Variants in DCC observed in about 807,000 individuals in gnomAD.
The protein encoded by DCC is DCC netrin 1 receptor.
A neutral mutation model predicts 172.5 loss-of-function variants in DCC; 58 were observed. That is an observed-to-expected ratio of 0.34 (90% CI 0.27 to 0.42). DCC has a LOEUF of 0.42. Ranked by LOEUF, DCC falls within the 10% of genes least tolerant of loss-of-function variation. The probability of loss-of-function intolerance (pLI) is 1.00; values close to 1 mark genes in which losing one functional copy is unlikely to be tolerated. For synonymous variants in DCC, 709 were observed against 644.5 expected, an observed-to-expected ratio of 1.10 and a Z score of -1.52; for missense variants, 1,740 against 1,791.0, an observed-to-expected ratio of 0.97 and a Z score of 0.51.
At chr18:52,477,350 G>A (rs1273436975) in intron 1 of DCC, among the ~76,000 whole-genome samples, 1 of 152,172 alleles carries the variant, frequency 6.6e-6, no homozygotes, top group Non-Finnish European at 1.5e-5. Context: ...GTTGGAGGAG[G>A]TATATGAGTG....
At chr18:52,695,357 C>G (rs2145021516) in intron 1 of DCC, among the ~76,000 whole-genome samples, 1 of 152,280 alleles carries the variant, frequency 6.6e-6, no homozygotes, top group South Asian at 2.1e-4. Flanking sequence ...TTCCAGCCTC[C>G]TGAAACTCTT....
chr18:53,274,238 T>C (rs2056781030), intron 12 of DCC, among the ~76,000 whole-genome samples: 1 of 152,100 alleles, frequency 6.6e-6, no homozygotes, highest in South Asian at 2.1e-4. Context: ...AGAGGGCTGT[T>C]ATCGATTCTA....
At chr18:52,564,863 C>T (rs76932873) in intron 1 of DCC, among the ~76,000 whole-genome samples, 6,030 of 152,118 alleles carry the variant, frequency 0.04, 157 homozygotes, top group Non-Finnish European at 0.054. Context: ...TACATGAGCG[C>T]AGATTGCTTA....
chr18:53,245,212 C>G (rs1319770002), intron 12 of DCC, among the ~76,000 whole-genome samples: 1 of 152,048 alleles, frequency 6.6e-6, no homozygotes, highest in East Asian at 1.9e-4. Context: ...ATCTTCCTTC[C>G]CCATTTCAAT....
intron 1 of DCC, among the ~76,000 whole-genome samples, chr18:52,506,209 T>G (rs1406979191): frequency 6.6e-6 from 1 of 152,168 alleles, no homozygotes; most frequent in Non-Finnish European, 1.5e-5. Context: ...CTATACTATG[T>G]CATACATTTT....
At chr18:53,279,950 G>A (rs1485680585) in intron 12 of DCC, among the ~76,000 whole-genome samples, 1 of 152,002 alleles carries the variant, frequency 6.6e-6, no homozygotes, top group East Asian at 1.9e-4. Flanking sequence ...GTGGAAGGTA[G>A]GAGGAGGGAG....
intron 17 of DCC, among the ~76,000 whole-genome samples, chr18:53,393,857 C>A (rs940646164): frequency 3.3e-5 from 5 of 150,656 alleles, no homozygotes; most frequent in Non-Finnish European, 7.4e-5. Context: ...CTCTTCCCTT[C>A]ATCCTCCCTG....
chr18:52,664,572 G>A (rs936469262), intron 1 of DCC, among the ~76,000 whole-genome samples: 11 of 140,706 alleles, frequency 7.8e-5, no homozygotes, highest in Non-Finnish European at 1.7e-4. Flanking sequence ...CTGGGTTCAC[G>A]CCATTCTCCT....
intron 7 of DCC, among the ~76,000 whole-genome samples, chr18:53,141,978 T>C (rs2144351344): frequency 6.6e-6 from 1 of 152,344 alleles, no homozygotes; most frequent in Admixed American, 6.5e-5. Context: ...TTCCTTTCCC[T>C]AGGCTCTGCC....
intron 1 of DCC, among the ~76,000 whole-genome samples, chr18:52,732,256 C>A (rs2036653789): frequency 6.6e-6 from 1 of 152,026 alleles, no homozygotes; most frequent in Non-Finnish European, 1.5e-5. Context: ...TAAGACTCAG[C>A]CAGGAAGGGC....
intron 7 of DCC, among the ~76,000 whole-genome samples, chr18:53,109,964 A>C (rs1347666248): frequency 2.0e-5 from 3 of 151,524 alleles, no homozygotes; most frequent in African/African-American, 7.3e-5. Flanking sequence ...TTTTCTGGGA[A>C]ATAGTGCATA....
chr18:52,875,660 A>G (rs1172948856), intron 2 of DCC, among the ~76,000 whole-genome samples: 1 of 152,196 alleles, frequency 6.6e-6, no homozygotes, highest in Non-Finnish European at 1.5e-5. Context: ...AATTCATAAC[A>G]ATGCTATGAT....
chr18:53,131,239 C>T (rs1178615799), intron 7 of DCC, among the ~76,000 whole-genome samples: 1 of 151,978 alleles, frequency 6.6e-6, no homozygotes, highest in Non-Finnish European at 1.5e-5. Context: ...GAAAAAAATA[C>T]AAGCACATTC....
intron 1 of DCC, among the ~76,000 whole-genome samples, chr18:52,582,342 G>A (rs2033568253): frequency 6.6e-6 from 1 of 152,074 alleles, no homozygotes; most frequent in African/African-American, 2.4e-5. Context: ...TTTCAGTTTG[G>A]CACGCACAAT....
intron 1 of DCC, among the ~76,000 whole-genome samples, chr18:52,659,965 T>C (rs1035341526): frequency 3.9e-5 from 6 of 152,198 alleles, no homozygotes; most frequent in African/African-American, 7.2e-5. Context: ...AACCCAATGA[T>C]TAAGTGATTT....
chr18:53,362,214 A>G (rs763579345), intron 15 of DCC, among the ~76,000 whole-genome samples: 3 of 152,212 alleles, frequency 2.0e-5, no homozygotes, highest in Non-Finnish European at 4.4e-5. Flanking sequence ...TCACAACTGT[A>G]GGACTTGTGC....
At chr18:52,517,393 T>C (rs1485221306) in intron 1 of DCC, among the ~76,000 whole-genome samples, 1 of 152,150 alleles carries the variant, frequency 6.6e-6, no homozygotes, top group Admixed American at 6.5e-5. Context: ...GACCAGGCAG[T>C]GAGAAAGCCA....
At chr18:53,463,012 C>A (rs1177959707) in intron 24 of DCC, among the ~76,000 whole-genome samples, 3 of 152,252 alleles carry the variant, frequency 2.0e-5, no homozygotes, top group African/African-American at 7.2e-5. Context: ...AGCAAGCCCA[C>A]TGCCTAAACA....
At chr18:53,170,681 C>A (rs964050823) in intron 8 of DCC, among the ~76,000 whole-genome samples, 1 of 152,122 alleles carries the variant, frequency 6.6e-6, no homozygotes, top group Non-Finnish European at 1.5e-5. Context: ...ATGTATTTTT[C>A]TTTAGATATT....
Sources: allele counts gnomAD v4.1 joint callset (sites outside exome capture counted in the v4.1 genomes callset), GRCh38; gene constraint gnomAD v4.1.1; transcripts MANE v1.5; gene names NCBI Gene and HGNC (gene_info 2026-07-23, HGNC 2026-07-21).